The following GPC5 variants were observed in gnomAD, a reference collection of about 807,000 sequenced individuals.
The protein encoded by GPC5 is glypican 5.
Under a neutral mutation model 53.9 loss-of-function variants are expected in GPC5, and 47 were observed. The observed-to-expected ratio is 0.87, with a 90% CI of 0.69 to 1.11. GPC5 has a LOEUF of 1.11. Ranked by LOEUF, GPC5 falls within the 50% of genes most tolerant of loss-of-function variation. The pLI, the probability that GPC5 is intolerant of heterozygous loss-of-function variation, is 0.00. For synonymous variants in GPC5, 286 were observed against 263.3 expected, an observed-to-expected ratio of 1.09 and a Z score of -0.84; for missense variants, 748 against 713.1, an observed-to-expected ratio of 1.05 and a Z score of -0.56.
chr13:92,131,929 C>A (rs1371354202), intron 6 of GPC5, among the ~76,000 whole-genome samples: 1 of 66,930 alleles, frequency 1.5e-5, no homozygotes, highest in East Asian at 0.016. Flanking sequence ...TAAGTATATA[C>A]CCAACAGATA....
At chr13:92,021,887 A>T (rs1383069195) in intron 6 of GPC5, among the ~76,000 whole-genome samples, 2 of 152,208 alleles carry the variant, frequency 1.3e-5, no homozygotes, top group South Asian at 2.1e-4. Context: ...AATCATTTAG[A>T]TTATTAGTCA....
chr13:91,655,586 T>G (rs1460539140), intron 2 of GPC5, among the ~76,000 whole-genome samples: 1 of 151,966 alleles, frequency 6.6e-6, no homozygotes, highest in African/African-American at 2.4e-5. Flanking sequence ...CAACAAATAT[T>G]TTATACTAGG....
At chr13:92,638,886 T>G (rs539569668) in intron 7 of GPC5, among the ~76,000 whole-genome samples, 1 of 152,354 alleles carries the variant, frequency 6.6e-6, no homozygotes, top group African/African-American at 2.4e-5. Context: ...ACATTTTATT[T>G]TGACACATTT....
chr13:92,005,227 C>T (rs1169969357), intron 6 of GPC5, among the ~76,000 whole-genome samples: 1 of 152,162 alleles, frequency 6.6e-6, no homozygotes, highest in Non-Finnish European at 1.5e-5. Flanking sequence ...TACAGGATTC[C>T]ATCAAGAGGA....
At chr13:92,645,082 G>T (rs951149852) in intron 7 of GPC5, among the ~76,000 whole-genome samples, 4 of 152,156 alleles carry the variant, frequency 2.6e-5, no homozygotes, top group African/African-American at 9.7e-5. Flanking sequence ...TAAAAGCATA[G>T]TTACATAGGC....
chr13:92,610,537 TTTCACAAATC>T (rs1372974165), intron 7 of GPC5, among the ~76,000 whole-genome samples: 1 of 152,206 alleles, frequency 6.6e-6, no homozygotes, highest in Non-Finnish European at 1.5e-5. Context: ...CACACTTCAC[TTTCACAAATC>T]TAGGAACAGC....
rs1362776544 is a variant in GPC5 at position 92,867,071 on chromosome 13, G to C, written c.*632G>C. 1 of 151,988 alleles carries C rather than the reference G, an allele frequency of 6.6e-6. No individual in the cohort carries two copies. Among genetic ancestry groups the C allele is most frequent in the Non-Finnish European group, 1.5e-5 (1 of 67,976 alleles). The allele number at this position is 151,988 out of a possible 1,614,324, so 9.4% of individuals were successfully genotyped here. On this transcript the variant is annotated 3_prime_UTR_variant, in exon 8 of 8. Coordinates refer to ENST00000377067, the MANE Select transcript of GPC5 (RefSeq NM_004466.6). Reference sequence around the variant, plus strand: ...AGCCACTGATGAACCTTAAAGCTGAGTATTTTATTAACACCTGATTTGTAT... The same window carrying C: ...AGCCACTGATGAACCTTAAAGCTGACTATTTTATTAACACCTGATTTGTAT...
intron 7 of GPC5, among the ~76,000 whole-genome samples, chr13:92,595,490 C>A (rs147292179): frequency 2.6e-5 from 4 of 152,078 alleles, no homozygotes; most frequent in Non-Finnish European, 4.4e-5. Context: ...TATTTACGGC[C>A]GGGCGCGGTG....
At chr13:92,294,826 C>T (rs71432009) in intron 7 of GPC5, among the ~76,000 whole-genome samples, 5,769 of 97,252 alleles carry the variant, frequency 0.059, 96 homozygotes, top group East Asian at 0.068. Context: ...TTTTTTTTTT[C>T]TTTTTTTTTT....
intron 3 of GPC5, 76 bp downstream of exon 3, chr13:91,693,957 T>A (rs1257497734): frequency 2.8e-6 from 3 of 1,076,668 alleles, no homozygotes; most frequent in Non-Finnish European, 4.0e-6. Context: ...TAGGAAATAG[T>A]AGGAGAATGT....
chr13:92,783,813 G>C (rs1876117623), intron 7 of GPC5, among the ~76,000 whole-genome samples: 1 of 152,090 alleles, frequency 6.6e-6, no homozygotes, highest in Non-Finnish European at 1.5e-5. Context: ...ACAACCCTGG[G>C]CTCTTTAGAG....
At chr13:92,043,242 A>C (rs964888325) in intron 6 of GPC5, among the ~76,000 whole-genome samples, 5 of 152,246 alleles carry the variant, frequency 3.3e-5, no homozygotes, top group African/African-American at 1.2e-4. Context: ...CACATATGAC[A>C]GTCACATTTA....
chr13:92,834,289 T>G (rs1348859552), intron 7 of GPC5, among the ~76,000 whole-genome samples: 1 of 152,172 alleles, frequency 6.6e-6, no homozygotes, highest in Non-Finnish European at 1.5e-5. Flanking sequence ...AAGAAAAAAC[T>G]TTGCATATTT....
intron 7 of GPC5, among the ~76,000 whole-genome samples, chr13:92,704,339 T>C (rs1327434279): frequency 6.6e-6 from 1 of 152,080 alleles, no homozygotes. Flanking sequence ...AATGGCAATA[T>C]GAGAGAATTT....
intron 7 of GPC5, among the ~76,000 whole-genome samples, chr13:92,481,425 G>T (rs1438944726): frequency 6.6e-6 from 1 of 152,012 alleles, no homozygotes; most frequent in African/African-American, 2.4e-5. Context: ...AAGACACCAG[G>T]CTTGTAGTAA....
intron 7 of GPC5, among the ~76,000 whole-genome samples, chr13:92,663,856 CTATATATATATATAT>C (rs1406598254): frequency 3.4e-5 from 3 of 88,340 alleles, no homozygotes; most frequent in African/African-American, 4.8e-5. Flanking sequence ...CACACACACA[CTATATATATATATAT>C]ATATATATAT....
chr13:91,755,956 G>A (rs1312054003), intron 4 of GPC5, among the ~76,000 whole-genome samples: 1 of 151,618 alleles, frequency 6.6e-6, no homozygotes, highest in African/African-American at 2.4e-5. Context: ...ATGAAGTGAT[G>A]TCGTTCTTTA....
chr13:92,103,642 A>T (rs577426706), intron 6 of GPC5, among the ~76,000 whole-genome samples: 2 of 152,284 alleles, frequency 1.3e-5, no homozygotes, highest in South Asian at 4.1e-4. Context: ...AAACCTCTTT[A>T]TCTGAAAATG....
intron 7 of GPC5, among the ~76,000 whole-genome samples, chr13:92,797,838 T>C (rs1290084486): frequency 6.7e-6 from 1 of 149,074 alleles, no homozygotes; most frequent in African/African-American, 2.5e-5. Context: ...GATAGATAGA[T>C]AGATAGATAG....
Sources: gnomAD v4.1 joint callset for allele counts (sites outside exome capture counted in the v4.1 genomes callset) on GRCh38, gnomAD v4.1.1 for gene constraint, MANE v1.5 for transcripts, NCBI Gene and HGNC (gene_info 2026-07-23, HGNC 2026-07-21) for gene names.